Variants in HECTD2 observed in about 807,000 individuals in gnomAD.
HECTD2 encodes probable E3 ubiquitin-protein ligase HECTD2.
HECTD2 carries 35 observed loss-of-function variants against 103.2 expected under a neutral mutation model. The ratio of observed to expected loss-of-function variants is 0.34; its 90% confidence interval spans 0.26 to 0.45. The LOEUF (loss-of-function observed/expected upper bound fraction) is 0.45, where lower values mean the gene tolerates loss of function less well. Among genes scored for constraint, HECTD2 ranks in the 20% least tolerant of loss-of-function variants. The probability of loss-of-function intolerance (pLI) is 1.00; values close to 1 mark genes in which losing one functional copy is unlikely to be tolerated. For missense variants in HECTD2, 596 were observed against 937.4 expected (o/e 0.64, Z 4.76); for synonymous variants, 281 against 329.9 (o/e 0.85, Z 1.61).
At chr10:91,430,198 T>A (rs1203656767) in intron 2 of HECTD2, among the ~76,000 whole-genome samples, 4 of 151,656 alleles carry the variant, frequency 2.6e-5, no homozygotes, top group Admixed American at 1.3e-4. Flanking sequence ...TTTGAGTGAG[T>A]TTCTTAATCC....
At chr10:91,512,054 G>A (rs1180735072) in intron 20 of HECTD2, among the ~76,000 whole-genome samples, 2 of 152,130 alleles carry the variant, frequency 1.3e-5, no homozygotes, top group East Asian at 3.9e-4. Context: ...TGGTTGTCTT[G>A]TCTGTAACCA....
In HECTD2 at chr10:91,461,287, T is replaced by C. The variant is rs779476888; in HGVS notation, c.441T>C (p.Asp147=). 1 of 1,551,282 alleles carries C rather than the reference T, an allele frequency of 6.4e-7. No individual in the cohort carries two copies. Among genetic ancestry groups the C allele is most frequent in the Non-Finnish European group, 8.7e-7 (1 of 1,148,454 alleles). The change falls in exon 4 of 21, where the codon GAT becomes GAC. Residue 147 remains aspartate, a synonymous_variant. Transcript: ENST00000298068. ...TAGAAAAAGTTAAGTCATCAGGAGATTGGAAAGCAGTACATGATTTTTATC... is the reference window on the plus strand; with the variant it reads ...TAGAAAAAGTTAAGTCATCAGGAGACTGGAAAGCAGTACATGATTTTTATC... The part of the protein sequence containing the change: ...EDVEKVKSSG[D]WKAVHDFYLT...
intron 2 of HECTD2, among the ~76,000 whole-genome samples, chr10:91,459,261 A>T (rs570735591): frequency 6.6e-6 from 1 of 152,128 alleles, no homozygotes; most frequent in African/African-American, 2.4e-5. Context: ...GCTGGTGGGA[A>T]TGTGAAATGG....
chr10:91,493,213 A>G (rs1254777791), intron 13 of HECTD2, among the ~76,000 whole-genome samples: 3 of 151,312 alleles, frequency 2.0e-5, no homozygotes, highest in Non-Finnish European at 3.0e-5. Context: ...CTCCATATAT[A>G]TTTAATATAT....
chr10:91,439,569 C>CT (rs1386591300), intron 2 of HECTD2, among the ~76,000 whole-genome samples: 7 of 152,026 alleles, frequency 4.6e-5, no homozygotes, highest in African/African-American at 1.7e-4. Flanking sequence ...TATACAGGCT[C>CT]TTTTTGGTTC....
Position 91,410,386 on chromosome 10 carries a change from C to G in HECTD2, c.-53C>G. 1.6e-6 allele frequency: 2 copies of G among 1,253,920 alleles called. No individual in the cohort carries two copies. Among genetic ancestry groups the G allele is most frequent in the South Asian group, 2.1e-5 (1 of 47,678 alleles). The allele number at this position is 1,253,920 out of a possible 1,614,324, so 77.7% of individuals were successfully genotyped here. On this transcript the variant is annotated 5_prime_UTR_variant, in exon 1 of 21. Transcript: ENST00000298068. The stretch of plus-strand genomic sequence containing the variant: ...GCGGCGGCAGCAGCAGCGCCAGCCC[C>G]AGCAACACTGAGGCCGCCGCCGCCG...
At chr10:91,450,381 G>A (rs748836134) in intron 2 of HECTD2, among the ~76,000 whole-genome samples, 2 of 152,054 alleles carry the variant, frequency 1.3e-5, no homozygotes, top group African/African-American at 2.4e-5. Flanking sequence ...AACTCAAGAT[G>A]GATTAAAAAC....
chr10:91,455,652 C>G (rs1209516898), intron 2 of HECTD2, among the ~76,000 whole-genome samples: 1 of 152,140 alleles, frequency 6.6e-6, no homozygotes, highest in Non-Finnish European at 1.5e-5. Context: ...TTGCCCATGC[C>G]TATGTCCTGA....
intron 2 of HECTD2, among the ~76,000 whole-genome samples, chr10:91,445,337 C>T (rs1293000081): frequency 3.9e-5 from 6 of 152,098 alleles, no homozygotes; most frequent in African/African-American, 1.4e-4. Context: ...TTCCTTATCC[C>T]TCTGCCACTA....
At chr10:91,500,374 T>TG in intron 18 of HECTD2, 128 bp from the exon 19 acceptor site, 28 of 420,406 alleles carry the variant, frequency 6.7e-5, no homozygotes, top group Non-Finnish European at 1.0e-4. Flanking sequence ...CGATTTTTCT[T>TG]CAACAAAAAT....
At chr10:91,505,536 A>G (rs1190892674) in intron 20 of HECTD2, among the ~76,000 whole-genome samples, 1 of 151,338 alleles carries the variant, frequency 6.6e-6, no homozygotes, top group Non-Finnish European at 1.5e-5. Context: ...AGGCCATTAC[A>G]TAGTGGTAAA....
intron 5 of HECTD2, among the ~76,000 whole-genome samples, chr10:91,467,343 C>T (rs1213625506): frequency 6.6e-6 from 1 of 152,150 alleles, no homozygotes; most frequent in Non-Finnish European, 1.5e-5. Context: ...GGAGCATGGC[C>T]AGGGTTGCCC....
intron 19 of HECTD2, among the ~76,000 whole-genome samples, chr10:91,500,964 C>T (rs1005793491): frequency 9.9e-5 from 15 of 152,008 alleles, no homozygotes; most frequent in African/African-American, 3.6e-4. Flanking sequence ...AAAAATGGTT[C>T]CTGTACTATC....
chr10:91,506,954 G>A (rs1396755467), intron 20 of HECTD2, among the ~76,000 whole-genome samples: 4 of 150,908 alleles, frequency 2.7e-5, no homozygotes, highest in Non-Finnish European at 4.4e-5. Flanking sequence ...TCCCTGGGAT[G>A]CAAGGCTGGT....
chr10:91,479,722 T>G (rs1438765453), intron 6 of HECTD2, among the ~76,000 whole-genome samples: 1 of 152,188 alleles, frequency 6.6e-6, no homozygotes, highest in Non-Finnish European at 1.5e-5. Flanking sequence ...TATAAACATT[T>G]TAAGACAATA....
upstream of HECTD2, chr10:91,409,483 G>A (rs1564691842): frequency 6.5e-6 from 1 of 152,938 alleles, no homozygotes; most frequent in Non-Finnish European, 1.5e-5. Context: ...AGACAGCAAA[G>A]GGTTGCGGGG....
chr10:91,454,847 G>C (rs1385232601), intron 2 of HECTD2, among the ~76,000 whole-genome samples: 2 of 151,572 alleles, frequency 1.3e-5, no homozygotes. Flanking sequence ...GCGATAGTTT[G>C]CTGAGAATGA....
intron 1 of HECTD2, among the ~76,000 whole-genome samples, chr10:91,419,643 T>C (rs922851951): frequency 2.0e-5 from 3 of 152,218 alleles, no homozygotes. Flanking sequence ...TCAGGTCTAT[T>C]ATTTATTAGG....
At chr10:91,478,318 C>A in intron 6 of HECTD2, 53 bp downstream of exon 6, 1 of 1,055,628 alleles carries the variant, frequency 9.5e-7, no homozygotes, top group Non-Finnish European at 1.5e-6. Context: ...CTAACTTACA[C>A]ATCATATATC....
Sources: gnomAD v4.1 joint callset for allele counts (sites outside exome capture counted in the v4.1 genomes callset) on GRCh38, gnomAD v4.1.1 for gene constraint, MANE v1.5 for transcripts, NCBI Gene and HGNC (gene_info 2026-07-23, HGNC 2026-07-21) for gene names.